The following LRRC40 variants were observed in gnomAD, a reference collection of about 807,000 sequenced individuals.
LRRC40 encodes the protein leucine rich repeat containing 40.
A neutral mutation model predicts 72.8 loss-of-function variants in LRRC40; 76 were observed. The observed-to-expected ratio is 1.04, with a 90% CI of 0.87 to 1.26. LRRC40 has a LOEUF of 1.26. Among genes scored for constraint, LRRC40 ranks in the 50% most tolerant of loss-of-function variants. LRRC40 has a pLI of 0.00. For synonymous variants in LRRC40, 243 were observed against 254.2 expected, an observed-to-expected ratio of 0.96 and a Z score of 0.42; for missense variants, 684 against 698.9, an observed-to-expected ratio of 0.98 and a Z score of 0.24.
intron 6 of LRRC40, among the ~76,000 whole-genome samples, chr1:70,176,531 C>CAAAAAAAAAAAAAAAAAAAAAAAAAA (rs368720423): frequency 3.4e-5 from 1 of 29,722 alleles, no homozygotes. Context: ...GAATCCATCT[C>CAAAAAAAAAAAAAAAAAAAAAAAAAA]AAAAAAAAAA....
At chr1:70,158,478 C>T (rs1667688462) in intron 10 of LRRC40, among the ~76,000 whole-genome samples, 1 of 152,102 alleles carries the variant, frequency 6.6e-6, no homozygotes, top group Non-Finnish European at 1.5e-5. Flanking sequence ...GACAGTATTG[C>T]TTATGTTTTT....
At chr1:70,154,208 G>A (rs756886318) in intron 11 of LRRC40, among the ~76,000 whole-genome samples, 1 of 152,094 alleles carries the variant, frequency 6.6e-6, no homozygotes, top group Non-Finnish European at 1.5e-5. Context: ...AAAGTGGTTT[G>A]GGAACTTTCT....
intron 2 of LRRC40, among the ~76,000 whole-genome samples, 187 bp downstream of exon 2, chr1:70,188,905 G>A (rs888418116): frequency 1.2e-4 from 18 of 152,118 alleles, no homozygotes; most frequent in Non-Finnish European, 2.5e-4. Flanking sequence ...ATTAATAGCA[G>A]AAGTCAGAAT....
intron 9 of LRRC40, 24 bp from the exon 10 acceptor site, chr1:70,159,462 A>G: frequency 1.9e-6 from 2 of 1,055,408 alleles, no homozygotes; most frequent in Non-Finnish European, 2.9e-6. Flanking sequence ...ACTTATATGA[A>G]GCCAATATTT....
intron 9 of LRRC40, among the ~76,000 whole-genome samples, chr1:70,169,960 C>CA (rs908632002): frequency 3.6e-4 from 55 of 150,796 alleles, no homozygotes; most frequent in African/African-American, 5.1e-4. Context: ...AAACCAGAAA[C>CA]AAAAAAAAAT....
chr1:70,179,068 A>C, intron 5 of LRRC40, 75 bp from the exon 6 acceptor site: 4 of 856,196 alleles, frequency 4.7e-6, no homozygotes, highest in Non-Finnish European at 6.7e-6. Context: ...ACTTTAAAGA[A>C]TGTGTAAGAA....
chr1:70,187,462 TG>T (rs1342802451), intron 2 of LRRC40, 124 bp from the exon 3 acceptor site: 11 of 563,620 alleles, frequency 2.0e-5, no homozygotes, highest in Non-Finnish European at 3.2e-5. Flanking sequence ...GGCAACAAGT[TG>T]AACTACTGTT....
intron 1 of LRRC40, among the ~76,000 whole-genome samples, chr1:70,204,965 TG>T (rs1668886771): frequency 6.6e-6 from 1 of 152,170 alleles, no homozygotes; most frequent in Non-Finnish European, 1.5e-5. Context: ...CAGGGAACAG[TG>T]CAGGTTCACA....
At chr1:70,182,274 C>CT (rs1668263163) in intron 4 of LRRC40, among the ~76,000 whole-genome samples, 1 of 151,836 alleles carries the variant, frequency 6.6e-6, no homozygotes, top group African/African-American at 2.4e-5. Flanking sequence ...GTTACTAACA[C>CT]TAAATGCAAT....
intron 3 of LRRC40, among the ~76,000 whole-genome samples, chr1:70,185,868 A>G (rs1337317864): frequency 6.6e-6 from 1 of 152,180 alleles, no homozygotes; most frequent in Non-Finnish European, 1.5e-5. Context: ...TTAAGAGATG[A>G]CTGAACTAGT....
intron 9 of LRRC40, among the ~76,000 whole-genome samples, chr1:70,163,079 C>CT (rs377411157): frequency 0.12 from 16,799 of 140,452 alleles, 1,302 homozygotes; most frequent in African/African-American, 0.21. Flanking sequence ...CTTTCCTTTT[C>CT]TTTTTTTTTT....
chr1:70,150,541 G>C (rs1325796316), intron 13 of LRRC40, among the ~76,000 whole-genome samples: 1 of 152,198 alleles, frequency 6.6e-6, no homozygotes, highest in Non-Finnish European at 1.5e-5. Flanking sequence ...TATCTTGATA[G>C]TGTTTGCAGA....
chr1:70,189,270 G>T lies in LRRC40; in HGVS notation c.155C>A (p.Pro52Gln). 2.5e-6 allele frequency: 4 copies of T among 1,590,808 alleles called. No homozygotes were observed. The highest frequency in any genetic ancestry group is 3.4e-6 in the Non-Finnish European group (4 of 1,169,936). ...NLSGRNLSEV[P>Q]QCVWRINVDI... ...CACATTTATTCTCCAGACACACTGC[G>T]GCACTAGTTCCATCAGCACCACACC... is the stretch of plus-strand genomic sequence containing the variant. Residue 52 changes from proline to glutamine, a missense_variant, in exon 2 of 15, where the codon CCG becomes CAG. By Grantham distance (76) the Pro-to-Gln change is moderately conservative. Coordinates refer to ENST00000370952, the MANE Select transcript of LRRC40 (RefSeq NM_017768.5).
intron 9 of LRRC40, among the ~76,000 whole-genome samples, chr1:70,165,200 T>C (rs1667855710): frequency 6.6e-6 from 1 of 152,256 alleles, no homozygotes; most frequent in Non-Finnish European, 1.5e-5. Context: ...TTCAGAGTTA[T>C]ATTTGTAGGA....
intron 14 of LRRC40, chr1:70,146,948 T>C (rs908850591): frequency 5.3e-5 from 8 of 152,080 alleles, no homozygotes; most frequent in African/African-American, 1.7e-4. Context: ...GACTCAACCA[T>C]ATTGTTGATC....
chr1:70,176,009 T>TATC lies in LRRC40; in HGVS notation c.805-30_805-28dup, dbSNP rs767942802. 6.0e-5 allele frequency: 85 copies of TATC among 1,408,540 alleles called. No homozygotes were observed. In the Admixed American group the frequency reaches 7.8e-4, roughly 13 times the overall value. The allele number at this position is 1,408,540 out of a possible 1,614,324, so 87.3% of individuals were successfully genotyped here. On this transcript the variant is annotated intron_variant, in intron 6 of 14. Coordinates refer to ENST00000370952, the MANE Select transcript of LRRC40 (RefSeq NM_017768.5). ...TACAAAATCAAAGATGAGTTATGTG[T>TATC]ATCTCTGTATTCAATTTTATAGTAG...
chr1:70,153,952 AAC>A (rs1667574056), intron 11 of LRRC40, among the ~76,000 whole-genome samples: 2 of 149,688 alleles, frequency 1.3e-5, no homozygotes, highest in Non-Finnish European at 3.0e-5. Flanking sequence ...CAGTAGGGGC[AAC>A]AGAGTGAGAT....
At chr1:70,164,940 A>G (rs534793095) in intron 9 of LRRC40, among the ~76,000 whole-genome samples, 32 of 152,224 alleles carry the variant, frequency 2.1e-4, no homozygotes, top group Non-Finnish European at 3.5e-4. Flanking sequence ...TGATAACCAA[A>G]TAAGAAGGTT....
At chr1:70,204,394 C>T (rs1486426526) in intron 1 of LRRC40, among the ~76,000 whole-genome samples, 2 of 152,052 alleles carry the variant, frequency 1.3e-5, no homozygotes, top group East Asian at 3.8e-4. Flanking sequence ...GGTAAGAGAA[C>T]AGAATGTTAG....
Sources: gnomAD v4.1 joint callset for allele counts (sites outside exome capture counted in the v4.1 genomes callset) on GRCh38, gnomAD v4.1.1 for gene constraint, MANE v1.5 for transcripts, NCBI Gene and HGNC (gene_info 2026-07-23, HGNC 2026-07-21) for gene names.